The following CCT8 variants were observed in gnomAD, a reference collection of about 807,000 sequenced individuals.
CCT8 encodes T-complex protein 1 subunit theta.
In CCT8, 10 loss-of-function variants were observed where a neutral mutation model predicts 65.7. The observed-to-expected ratio is 0.15, with a 90% CI of 0.09 to 0.26. The LOEUF is 0.26. Among genes scored for constraint, CCT8 ranks in the 10% least tolerant of loss-of-function variants. The pLI is 1.00. For synonymous variants in CCT8, 199 were observed against 221.8 expected, an observed-to-expected ratio of 0.90 and a Z score of 0.92; for missense variants, 568 against 669.1, an observed-to-expected ratio of 0.85 and a Z score of 1.67.
At chr21:29,061,637 T>C in intron 11 of CCT8, 70 bp from the exon 12 acceptor site, 1 of 1,448,938 alleles carries the variant, frequency 6.9e-7, no homozygotes, top group East Asian at 2.3e-5. Context: ...GTTTGCAGTT[T>C]TCTAATCTTT....
intron 1 of CCT8, chr21:29,071,916 AT>A: frequency 1.4e-6 from 1 of 702,004 alleles, no homozygotes; most frequent in Non-Finnish European, 2.6e-6. Context: ...GGCCCTACGT[AT>A]CCCGGCCCTT....
At chr21:29,067,470 C>A in intron 4 of CCT8, 86 bp downstream of exon 4, 1 of 1,095,112 alleles carries the variant, frequency 9.1e-7, no homozygotes, top group South Asian at 2.6e-5. Flanking sequence ...TTAGCTACTA[C>A]TATAATAATG....
At chr21:29,058,485 T>A (rs185653422) in intron 14 of CCT8, among the ~76,000 whole-genome samples, 7 of 152,050 alleles carry the variant, frequency 4.6e-5, no homozygotes, top group Non-Finnish European at 7.4e-5. Flanking sequence ...TTCCCAAACT[T>A]TAGTGGGCAC....
chr21:29,062,415 T>C lies in CCT8; in HGVS notation c.1009A>G (p.Thr337Ala). 1.2e-6 allele frequency: 2 copies of C among 1,613,212 alleles called. No homozygotes were observed. Among genetic ancestry groups the C allele is most frequent in the South Asian group, 2.2e-5 (2 of 91,056 alleles). Residue 337 changes from threonine (T) to alanine (A), a missense_variant and splice_region_variant, in exon 10 of 15, where the codon ACA becomes GCA. Transcript: ENST00000286788. ...TVGATALPRL[T>A]PPVLEEMGHC... ...CCCATTTCTTCAAGGACAGGAGGTGTCTGTAAGAAAGTGACTGTTGTAATA... is the reference window on the plus strand; with the variant it reads ...CCCATTTCTTCAAGGACAGGAGGTGCCTGTAAGAAAGTGACTGTTGTAATA...
chr21:29,063,575 T>G, intron 7 of CCT8, 45 bp from the exon 8 acceptor site: 2 of 1,584,956 alleles, frequency 1.3e-6, no homozygotes, highest in African/African-American at 2.7e-5. Context: ...TTTCACTACG[T>G]TGGTGTTCAA....
intron 14 of CCT8, 33 bp downstream of exon 14, chr21:29,060,508 T>G (rs2085550879): frequency 6.2e-7 from 1 of 1,606,216 alleles, no homozygotes; most frequent in African/African-American, 1.3e-5. Flanking sequence ...TGCAAATGAG[T>G]ATTTTTAAAG....
rs758002639 is a variant in CCT8 at position 29,073,581 on chromosome 21, G to A, written c.10C>T (p.His4Tyr). Residue 4 changes from histidine to tyrosine, a missense_variant, in exon 1 of 15, where the codon CAC (histidine) becomes TAC (tyrosine). His to Tyr is a moderately conservative substitution (Grantham distance 83). Coordinates refer to ENST00000286788, the MANE Select transcript of CCT8 (RefSeq NM_006585.4). MALHVPKAPGFAQM... is the reference protein window; with the variant it reads MALYVPKAPGFAQM... ...GCAAAGCCCGGAGCCTTGGGAACGT[G>A]AAGCGCCATGGCCAGCCTGCAGGAA... 8 of 1,614,004 alleles carry A rather than the reference G, an allele frequency of 5.0e-6. No homozygotes were observed. The South Asian group carries it at 5.5e-5, about 11-fold the overall frequency.
Position 29,061,107 on chromosome 21 carries a change from T to G in CCT8, c.1449+146A>C. ...AGAAGGAAAATGAAACGTTCCTCCATCAGACAACCTATGTAAAAACTAAGA... is the reference window on the plus strand; with the variant it reads ...AGAAGGAAAATGAAACGTTCCTCCAGCAGACAACCTATGTAAAAACTAAGA... On this transcript the variant is annotated intron_variant, in intron 13 of 14. Coordinates refer to ENST00000286788, the MANE Select transcript of CCT8 (RefSeq NM_006585.4). 4.5e-6 allele frequency: 3 copies of G among 674,096 alleles called. No homozygotes were observed. In the East Asian group the frequency reaches 8.1e-5, roughly 18 times the overall value. The allele number at this position is 674,096 out of a possible 1,614,324, so 41.8% of individuals were successfully genotyped here. A position where few individuals can be genotyped will look rare whatever the true frequency, so the allele number is the denominator to read the frequency against.
At chr21:29,071,434 G>A (rs1159264593) in intron 1 of CCT8, among the ~76,000 whole-genome samples, 1 of 151,800 alleles carries the variant, frequency 6.6e-6, no homozygotes, top group Non-Finnish European at 1.5e-5. Flanking sequence ...TCAGGCTGGA[G>A]TGCAGTGAGC....
At position 29,061,551 on chromosome 21, in the gene CCT8, G is replaced by C; in HGVS notation, c.1229C>G (p.Pro410Arg). 6.2e-7 allele frequency: 1 copy of C among 1,613,620 alleles called. No homozygotes were observed. The highest frequency in any genetic ancestry group is 8.5e-7 in the Non-Finnish European group (1 of 1,179,806). ...TTCAATTTCTGTTGCTCCACCTCCG[G>C]GTACAAGACGTTTATCCTGTATGTA... is the stretch of plus-strand genomic sequence containing the variant. ...KVLTRDKRLV[P>R]GGGATEIELA... Residue 410 changes from proline (P) to arginine (R), a missense_variant, in exon 12 of 15, where the codon CCC becomes CGC. Transcript: ENST00000286788.
At position 29,067,061 on chromosome 21, in the gene CCT8, C is replaced by A; in HGVS notation, c.392G>T (p.Gly131Val). The A allele has an allele frequency of 6.2e-7, 1 of 1,603,558 alleles. No individual in the cohort carries two copies. The highest frequency in any genetic ancestry group is 8.5e-7 in the Non-Finnish European group (1 of 1,174,750). The change falls in exon 5 of 15, where the codon GGT (glycine) becomes GTT (valine). Residue 131 changes from glycine to valine, a missense_variant. By Grantham distance (109) the Gly-to-Val change is moderately radical. Coordinates refer to ENST00000286788, the MANE Select transcript of CCT8 (RefSeq NM_006585.4). ...IGLSVSEVIE[G>V]YEIACRKAHE... ...AGCTTTTCTGCAGGCTATTTCATAACCTTCTATGACCTAAAACATAAACAA... is the reference window on the plus strand; with the variant it reads ...AGCTTTTCTGCAGGCTATTTCATAAACTTCTATGACCTAAAACATAAACAA...
In CCT8 at chr21:29,062,516, C is replaced by G. The variant is rs2085575630; in HGVS notation, c.982G>C (p.Val328Leu). 1.5e-5 allele frequency: 25 copies of G among 1,613,952 alleles called. No homozygotes were observed. The highest frequency in any genetic ancestry group is 2.1e-5 in the Non-Finnish European group (25 of 1,179,898). ...AATCTAGGAAGAGCTGTAGCACCAA[C>G]AGTTTTACAAAGTCTTCGGAGATCC... ...KWDLRRLCKT[V>L]GATALPRLTP... The change falls in exon 9 of 15, where the codon GTT becomes CTT. Residue 328 changes from valine to leucine, a missense_variant. Physicochemically the swap from Val to Leu is conservative, Grantham distance 32. Transcript: ENST00000286788.
Position 29,061,560 on chromosome 21 carries a change from C to T in CCT8, c.1220G>A (p.Arg407His), listed in dbSNP as rs948012155. 8.1e-6 allele frequency: 13 copies of T among 1,613,328 alleles called. No individual in the cohort carries two copies. Among genetic ancestry groups the T allele is most frequent in the East Asian group, 2.2e-5 (1 of 44,878 alleles). ...TGTTGCTCCACCTCCGGGTACAAGA[C>T]GTTTATCCTGTATGTAGCGCCCCCA... The part of the protein sequence containing the change: ...NTFKVLTRDK[R>H]LVPGGGATEI... Residue 407 changes from arginine to histidine, a missense_variant, in exon 12 of 15, where the codon CGT becomes CAT. Arg to His is a conservative substitution (Grantham distance 29). Transcript: ENST00000286788.
rs2085658181 is a variant in CCT8 at position 29,069,416 on chromosome 21, AACTT to A, written c.231+3_231+6del. 6.6e-7 allele frequency: 1 copy of A among 1,524,250 alleles called. No homozygotes were observed. Among genetic ancestry groups the A allele is most frequent in the Non-Finnish European group, 8.9e-7 (1 of 1,128,426 alleles). 94.4% of individuals were successfully genotyped at this position (1,524,250 alleles called of 1,614,324 possible). A position where few individuals can be genotyped will look rare whatever the true frequency, so the allele number is the denominator to read the frequency against. Reference sequence around the variant, plus strand: ...ATATTTCTTGACTTTTTAAAGAAACAACTTACTTCTAGTTCTCTTAAAATAGTTG... The same window carrying A: ...ATATTTCTTGACTTTTTAAAGAAACAACTTCTAGTTCTCTTAAAATAGTTG... On this transcript the variant is annotated splice_donor_5th_base_variant and intron_variant, in intron 3 of 14. Coordinates refer to ENST00000286788, the MANE Select transcript of CCT8 (RefSeq NM_006585.4).
chr21:29,066,489 A>C (rs2085623970), intron 6 of CCT8, among the ~76,000 whole-genome samples: 1 of 152,216 alleles, frequency 6.6e-6, no homozygotes, highest in Non-Finnish European at 1.5e-5. Context: ...CGGTGAGCCG[A>C]GGTCATGTCA....
At chr21:29,071,914 G>GT (rs1310166635) in intron 1 of CCT8, 1 of 701,266 alleles carries the variant, frequency 1.4e-6, no homozygotes, top group Non-Finnish European at 2.6e-6. Context: ...AAGGCCCTAC[G>GT]TATCCCGGCC....
intron 1 of CCT8, among the ~76,000 whole-genome samples, chr21:29,072,768 A>C (rs1218010817): frequency 6.6e-6 from 1 of 152,256 alleles, no homozygotes; most frequent in Non-Finnish European, 1.5e-5. Context: ...TCAATAGTGC[A>C]GTAAGATATT....
intron 3 of CCT8, 22 bp downstream of exon 3, chr21:29,069,396 TCTTGA>T (rs1568915441): frequency 7.2e-7 from 1 of 1,380,246 alleles, no homozygotes; most frequent in Non-Finnish European, 1.0e-6. Flanking sequence ...CCAAAATATT[TCTTGA>T]CTTTTTAAAG....
At chr21:29,061,739 C>A (rs2085566743) in intron 11 of CCT8, among the ~76,000 whole-genome samples, 172 bp from the exon 12 acceptor site, 1 of 152,124 alleles carries the variant, frequency 6.6e-6, no homozygotes, top group Non-Finnish European at 1.5e-5. Flanking sequence ...GTGGGTGGGG[C>A]AAATTTTCTT....
Sources: allele counts gnomAD v4.1 joint callset (sites outside exome capture counted in the v4.1 genomes callset), GRCh38; gene constraint gnomAD v4.1.1; transcripts MANE v1.5; gene names NCBI Gene and HGNC (gene_info 2026-07-23, HGNC 2026-07-21).